PCDH9: variants seen among roughly 807,000 people sequenced by gnomAD.
PCDH9 encodes protocadherin-9.
PCDH9 carries 24 observed loss-of-function variants against 70.6 expected under a neutral mutation model. That is an observed-to-expected ratio of 0.34 (90% CI 0.25 to 0.48). The LOEUF (loss-of-function observed/expected upper bound fraction) is 0.48. Ranked by LOEUF, PCDH9 falls within the 20% of genes least tolerant of loss-of-function variation. PCDH9 has a pLI of 0.99. For missense variants in PCDH9, 1,281 were observed against 1,503.6 expected, an observed-to-expected ratio of 0.85 and a Z score of 2.45; for synonymous variants, 562 against 558.5, an observed-to-expected ratio of 1.01 and a Z score of -0.09.
chr13:66,558,747 G>C (rs752599809), intron 4 of PCDH9, among the ~76,000 whole-genome samples: 2 of 151,970 alleles, frequency 1.3e-5, no homozygotes, highest in African/African-American at 4.8e-5. Flanking sequence ...GGAAGATGCT[G>C]GGTTCCCTTC....
intron 2 of PCDH9, among the ~76,000 whole-genome samples, chr13:67,156,961 A>T (rs1020644382): frequency 6.6e-6 from 1 of 152,242 alleles, no homozygotes; most frequent in Admixed American, 6.5e-5. Flanking sequence ...TATACAATAT[A>T]ACCCTCTGGC....
At chr13:66,825,415 C>CA (rs891604912) in intron 3 of PCDH9, among the ~76,000 whole-genome samples, 4 of 139,416 alleles carry the variant, frequency 2.9e-5, no homozygotes, top group Non-Finnish European at 6.0e-5. Context: ...CGACTCACTG[C>CA]AAGCTCCGCC....
At position 67,226,709 on chromosome 13, in the gene PCDH9, G is replaced by A; in HGVS notation, c.1732C>T (p.Gln578Ter). The change falls in exon 2 of 5, where the codon CAA (glutamine) becomes TAA (stop). Residue 578 changes from glutamine (Q) to a stop codon, truncating the protein, a stop_gained. Transcript: ENST00000377865. LOFTEE classifies it high-confidence loss of function. The surrounding 1 kb of genome is among the most constrained non-coding windows in gnomAD (Gnocchi z 5.0). Reference protein sequence around the residue: ...NSPKFTHNHFQFFVSENLPKY... With the variant: ...NSPKFTHNHF The stretch of plus-strand genomic sequence containing the variant: ...GGCAGATTCTCAGACACAAAAAATT[G>A]AAAATGATTATGAGTAAACTTGGGG... The A allele has an allele frequency of 6.2e-7, 1 of 1,614,074 alleles. No individual in the cohort carries two copies. Among genetic ancestry groups the A allele is most frequent in the Non-Finnish European group, 8.5e-7 (1 of 1,179,962 alleles).
At chr13:67,158,401 T>C (rs1594590648) in intron 2 of PCDH9, among the ~76,000 whole-genome samples, 1 of 152,344 alleles carries the variant, frequency 6.6e-6, no homozygotes, top group Non-Finnish European at 1.5e-5. Context: ...AATACTGCTA[T>C]GGACTGAATG....
chr13:66,524,362 A>C (rs1329599069), intron 4 of PCDH9, among the ~76,000 whole-genome samples: 1 of 151,682 alleles, frequency 6.6e-6, no homozygotes, highest in African/African-American at 2.4e-5. Context: ...TTTTGTATAA[A>C]GATATAAAGA....
intron 2 of PCDH9, among the ~76,000 whole-genome samples, chr13:67,065,065 G>A (rs549842657): frequency 2.0e-5 from 3 of 152,180 alleles, no homozygotes; most frequent in African/African-American, 4.8e-5. Context: ...GGGGAATTAT[G>A]GTGACATTGG....
At chr13:67,167,825 T>C (rs1001055272) in intron 2 of PCDH9, among the ~76,000 whole-genome samples, 2 of 152,144 alleles carry the variant, frequency 1.3e-5, no homozygotes, top group South Asian at 2.1e-4. Context: ...GTGTCTGGAG[T>C]TATACTCATA....
At chr13:66,886,197 G>A (rs1406247693) in intron 3 of PCDH9, 2 of 152,106 alleles carry the variant, frequency 1.3e-5, no homozygotes, top group Admixed American at 1.3e-4. Flanking sequence ...GGGCAAAGAG[G>A]TCACTAAGCT....
chr13:66,745,373 C>T (rs1363301588), intron 3 of PCDH9, among the ~76,000 whole-genome samples: 1 of 152,132 alleles, frequency 6.6e-6, no homozygotes, highest in Non-Finnish European at 1.5e-5. Context: ...CAGACGAGTG[C>T]CATCTCAAAA....
chr13:67,214,935 G>GATAGATATATATAT (rs1555321190), intron 2 of PCDH9: 1 of 89,248 alleles, frequency 1.1e-5, no homozygotes, highest in African/African-American at 4.5e-5. Flanking sequence ...TTGCGAGCCA[G>GATAGATATATATAT]ATATATATAT....
intron 3 of PCDH9, among the ~76,000 whole-genome samples, chr13:66,841,148 T>A (rs1319947879): frequency 1.3e-5 from 2 of 152,168 alleles, no homozygotes; most frequent in East Asian, 3.8e-4. Context: ...AATATCCAAA[T>A]TTATTAAAAG....
chr13:66,825,631 G>A (rs905741968), intron 3 of PCDH9, among the ~76,000 whole-genome samples: 2 of 151,968 alleles, frequency 1.3e-5, no homozygotes, highest in African/African-American at 4.8e-5. Flanking sequence ...CACCGCGCCC[G>A]GCCAAAAACT....
chr13:66,478,344 G>T lies in PCDH9; in HGVS notation c.3340+152866C>A, dbSNP rs9571587. 2.0e-5 allele frequency among the ~76,000 whole-genome samples: 3 copies of T among 152,012 alleles called. No homozygotes were observed. The South Asian group carries it at 6.2e-4, about 32-fold the overall frequency. Reference sequence around the variant, plus strand: ...AAATTAGGCCAGTTAGTAAGCCTACGATGGCCTCTAAGCAATCACGTAAAA... The same window carrying T: ...AAATTAGGCCAGTTAGTAAGCCTACTATGGCCTCTAAGCAATCACGTAAAA... On this transcript the variant is annotated intron_variant, in intron 4 of 4. Transcript: ENST00000377865.
intron 2 of PCDH9, among the ~76,000 whole-genome samples, chr13:66,960,781 A>G (rs1476717717): frequency 6.6e-6 from 1 of 152,196 alleles, no homozygotes; most frequent in Non-Finnish European, 1.5e-5. Flanking sequence ...AATCACTAAC[A>G]CAACTCATGT....
intron 4 of PCDH9, among the ~76,000 whole-genome samples, chr13:66,582,248 T>A (rs571927283): frequency 3.3e-5 from 5 of 152,156 alleles, no homozygotes; most frequent in African/African-American, 4.8e-5. Context: ...ATAGCACCCA[T>A]GCTAAGAATA....
chr13:66,724,727 G>T (rs1016783111), intron 3 of PCDH9, among the ~76,000 whole-genome samples: 5 of 152,162 alleles, frequency 3.3e-5, no homozygotes, highest in Non-Finnish European at 5.9e-5. Context: ...AATCACATAA[G>T]ATGCTTCACT....
rs1173667662 is a variant in PCDH9, at chr13:66,305,000, A to G, written c.3369T>C (p.Ala1123=). ...SDGPLGPRGL[A]EATEMCTQEC... Reference sequence around the variant, plus strand: ...CTTGAGTGCACATCTCTGTAGCTTCAGCTAATCCTCGGGGACCCAAAGGCC... The same window carrying G: ...CTTGAGTGCACATCTCTGTAGCTTCGGCTAATCCTCGGGGACCCAAAGGCC... Residue 1123 remains alanine (A), a synonymous_variant, in exon 5 of 5, where the codon GCT becomes GCC. Transcript: ENST00000377865. 1 of 1,612,092 alleles carries G rather than the reference A, an allele frequency of 6.2e-7. No individual in the cohort carries two copies. The highest frequency in any genetic ancestry group is 8.5e-7 in the Non-Finnish European group (1 of 1,178,656).
intron 3 of PCDH9, among the ~76,000 whole-genome samples, chr13:66,673,159 G>A (rs371812140): frequency 5.9e-5 from 9 of 152,206 alleles, no homozygotes; most frequent in African/African-American, 1.2e-4. Flanking sequence ...CCCTCATATC[G>A]TGGGAGGGAC....
At chr13:66,941,182 T>C (rs1377125943) in intron 2 of PCDH9, among the ~76,000 whole-genome samples, 1 of 151,774 alleles carries the variant, frequency 6.6e-6, no homozygotes, top group East Asian at 1.9e-4. Flanking sequence ...TGAATGGATA[T>C]AGTATTACTG....
Sources: gnomAD v4.1 joint callset for allele counts (sites outside exome capture counted in the v4.1 genomes callset) on GRCh38, gnomAD v4.1.1 for gene constraint, Gnocchi (gnomAD v3.1) non-coding constraint, MANE v1.5 for transcripts, NCBI Gene and HGNC (gene_info 2026-07-23, HGNC 2026-07-21) for gene names.